BMP5: variants seen among roughly 807,000 people sequenced by gnomAD.
BMP5 encodes the protein bone morphogenetic protein 5.
In BMP5, 23 loss-of-function variants were observed where a neutral mutation model predicts 46.6. That is an observed-to-expected ratio of 0.49 (90% CI 0.35 to 0.70). BMP5 has a LOEUF of 0.70. Ranked by LOEUF, BMP5 falls within the 30% of genes least tolerant of loss-of-function variation. BMP5 has a pLI of 0.00. For missense variants in BMP5, 545 were observed against 565.6 expected, an observed-to-expected ratio of 0.96 and a Z score of 0.37; for synonymous variants, 204 against 191.9, an observed-to-expected ratio of 1.06 and a Z score of -0.52.
rs1469223948 is a variant in BMP5, at chr6:55,834,525, T to C, written c.491-14678A>G. Reference sequence around the variant, plus strand: ...TTGCACTCAGCTGCTTTCATGTTTGTTTGTTTGTTTGTCTTTTCAGGCCAA... The same window carrying C: ...TTGCACTCAGCTGCTTTCATGTTTGCTTGTTTGTTTGTCTTTTCAGGCCAA... On this transcript the variant is annotated intron_variant, in intron 1 of 6. Coordinates refer to ENST00000370830, the MANE Select transcript of BMP5 (RefSeq NM_021073.4). Among the ~76,000 whole-genome samples, 6 of 152,252 alleles carry C rather than the reference T, an allele frequency of 3.9e-5. No homozygotes were observed. The East Asian group carries it at 1.2e-3, about 29-fold the overall frequency.
intron 2 of BMP5, among the ~76,000 whole-genome samples, chr6:55,796,686 T>C (rs1775721102): frequency 7.7e-6 from 1 of 130,550 alleles, no homozygotes; most frequent in Admixed American, 8.6e-5. Flanking sequence ...GAGTGTGATG[T>C]TCCCCTTCCT....
chr6:55,874,571 A>C lies in BMP5; in HGVS notation c.295T>G (p.Tyr99Asp). 1 of 1,613,370 alleles carries C rather than the reference A, an allele frequency of 6.2e-7. No individual in the cohort carries two copies. ...TNEENPEESE[Y>D]SVRASLAEET... ...TCTGCCAAGGATGCCCTTACTGAGT[A>C]CTCCGACTCTTCAGGATTTTCTTCA... is the stretch of plus-strand genomic sequence containing the variant. Residue 99 changes from tyrosine to aspartate, a missense_variant, in exon 1 of 7, where the codon TAC becomes GAC. Tyr to Asp is a radical substitution (Grantham distance 160). Transcript: ENST00000370830.
At chr6:55,827,182 G>C (rs1776553164) in intron 1 of BMP5, among the ~76,000 whole-genome samples, 1 of 151,750 alleles carries the variant, frequency 6.6e-6, no homozygotes, top group African/African-American at 2.4e-5. Flanking sequence ...TGAGATGGAT[G>C]CCACAGCAAA....
chr6:55,815,734 A>G (rs571162607), intron 2 of BMP5, among the ~76,000 whole-genome samples: 124 of 152,270 alleles, frequency 8.1e-4, no homozygotes, highest in Non-Finnish European at 1.4e-3. Context: ...TCCCAAAACT[A>G]TGAAGTCACG....
rs1774707990 is a variant in BMP5, at chr6:55,759,282, ATTATTCTAAT to A, written c.1105-177_1105-168del. ...ATAGGTTTCTATTCTTGGTCCAACA[ATTATTCTAAT>A]GGAATTATCTTCCCCACACCCTTTA... On this transcript the variant is annotated intron_variant, in intron 5 of 6. Transcript: ENST00000370830. Among the ~76,000 whole-genome samples the A allele has an allele frequency of 4.0e-5, 6 of 151,382 alleles. No homozygotes were observed. The South Asian group carries it at 1.0e-3, about 26-fold the overall frequency.
chr6:55,845,976 C>A (rs1777088333), intron 1 of BMP5, among the ~76,000 whole-genome samples: 1 of 151,874 alleles, frequency 6.6e-6, no homozygotes. Context: ...AATGCTGTCT[C>A]CTAGAGAGAG....
intron 4 of BMP5, among the ~76,000 whole-genome samples, chr6:55,771,796 C>G (rs1374178730): frequency 6.6e-6 from 1 of 151,828 alleles, no homozygotes; most frequent in Non-Finnish European, 1.5e-5. Context: ...TAACTCCATC[C>G]CCATCCCACC....
chr6:55,763,652 G>A (rs561024589), intron 4 of BMP5, among the ~76,000 whole-genome samples: 6 of 152,240 alleles, frequency 3.9e-5, no homozygotes, highest in East Asian at 1.9e-4. Context: ...TAATGAGCCT[G>A]CCTACAAATG....
At chr6:55,830,716 C>T (rs556996115) in intron 1 of BMP5, among the ~76,000 whole-genome samples, 25 of 152,002 alleles carry the variant, frequency 1.6e-4, no homozygotes, top group Non-Finnish European at 3.4e-4. Context: ...CTCATATATA[C>T]TGTTACATAA....
intron 2 of BMP5, among the ~76,000 whole-genome samples, chr6:55,808,385 C>T (rs566068146): frequency 9.6e-4 from 146 of 152,302 alleles, no homozygotes; most frequent in African/African-American, 3.4e-3. Flanking sequence ...CTGCCCTTCT[C>T]CTGCCATAGG....
chr6:55,774,384 T>C, intron 3 of BMP5, 141 bp from the exon 4 acceptor site: 4 of 758,532 alleles, frequency 5.3e-6, no homozygotes, highest in East Asian at 2.7e-5. Flanking sequence ...AAGATTCTTA[T>C]AAATATTGAG....
intron 4 of BMP5, among the ~76,000 whole-genome samples, chr6:55,765,485 T>C (rs952877221): frequency 1.3e-5 from 2 of 152,064 alleles, no homozygotes; most frequent in Non-Finnish European, 2.9e-5. Context: ...AATTTATTTA[T>C]AAAAATTTAA....
chr6:55,824,275 T>A lies in BMP5; in HGVS notation c.491-4428A>T, dbSNP rs376958516. On this transcript the variant is annotated intron_variant, in intron 1 of 6. Coordinates refer to ENST00000370830, the MANE Select transcript of BMP5 (RefSeq NM_021073.4). The stretch of plus-strand genomic sequence containing the variant: ...GAAGGTTAAAAGATACACAAGTAAA[T>A]GAGAAGAAAAAAAAACAGAGAAGTG... 5.2e-4 allele frequency among the ~76,000 whole-genome samples: 79 copies of A among 151,896 alleles called. No homozygotes were observed. In the South Asian group the frequency reaches 0.016, roughly 31 times the overall value.
chr6:55,839,144 T>C (rs1447129), intron 1 of BMP5, among the ~76,000 whole-genome samples: 62,652 of 151,908 alleles, frequency 0.41, 13,103 homozygotes, highest in African/African-American at 0.47. Flanking sequence ...CATACCTAGA[T>C]TGCATAAGTC....
At chr6:55,787,287 AC>A (rs995928855) in intron 3 of BMP5, among the ~76,000 whole-genome samples, 4 of 151,744 alleles carry the variant, frequency 2.6e-5, no homozygotes, top group African/African-American at 9.7e-5. Context: ...TCTAGGACTT[AC>A]TAAATTTAAG....
chr6:55,780,297 A>G lies in BMP5; in HGVS notation c.833-6054T>C, dbSNP rs534389120. Among the ~76,000 whole-genome samples the G allele has an allele frequency of 6.1e-3, 921 of 151,502 alleles. 8 individuals carry two copies. Among genetic ancestry groups the G allele is most frequent in the African/African-American group, 0.021 (865 of 41,428 alleles). Reference sequence around the variant, plus strand: ...GCAGTACCCTGACACACTGATATGAACTATGAGTTGAGAGTTTTCTGTGGA... The same window carrying G: ...GCAGTACCCTGACACACTGATATGAGCTATGAGTTGAGAGTTTTCTGTGGA... On this transcript the variant is annotated intron_variant, in intron 3 of 6. Transcript: ENST00000370830.
intron 3 of BMP5, among the ~76,000 whole-genome samples, chr6:55,786,270 T>C (rs1431953030): frequency 6.6e-6 from 1 of 151,764 alleles, no homozygotes; most frequent in Non-Finnish European, 1.5e-5. Context: ...GCTTAAAGTA[T>C]AAATATATGC....
At chr6:55,811,687 C>G (rs532294079) in intron 2 of BMP5, among the ~76,000 whole-genome samples, 68 of 151,900 alleles carry the variant, frequency 4.5e-4, no homozygotes, top group African/African-American at 1.6e-3. Flanking sequence ...CTCTCTTTCT[C>G]CCTCTCTCTC....
At chr6:55,797,620 T>TC (rs1037827702) in intron 2 of BMP5, among the ~76,000 whole-genome samples, 1 of 145,134 alleles carries the variant, frequency 6.9e-6, no homozygotes, top group African/African-American at 2.6e-5. Context: ...TTTTCTTTTT[T>TC]TTTTTTTTTT....
Sources: gnomAD v4.1 joint callset for allele counts (sites outside exome capture counted in the v4.1 genomes callset) on GRCh38, gnomAD v4.1.1 for gene constraint, MANE v1.5 for transcripts, NCBI Gene and HGNC (gene_info 2026-07-23, HGNC 2026-07-21) for gene names.